Variants in KSR1 observed in about 807,000 individuals in gnomAD.
KSR1 encodes the protein kinase suppressor of ras 1, also known as kinase suppressor of ras.
Under a neutral mutation model 92.9 loss-of-function variants are expected in KSR1, and 35 were observed. That is an observed-to-expected ratio of 0.38 (90% CI 0.29 to 0.50). The LOEUF is 0.50. Ranked by LOEUF, KSR1 falls within the 20% of genes least tolerant of loss-of-function variation. KSR1 has a pLI of 0.94. For synonymous variants in KSR1, 467 were observed against 472.6 expected, an observed-to-expected ratio of 0.99 and a Z score of 0.15; for missense variants, 972 against 1,158.5, an observed-to-expected ratio of 0.84 and a Z score of 2.34.
intron 18 of KSR1, among the ~76,000 whole-genome samples, chr17:27,615,195 G>A (rs1004474709): frequency 1.3e-5 from 2 of 152,208 alleles, no homozygotes; most frequent in Admixed American, 6.5e-5. Flanking sequence ...TATTTCTGCT[G>A]CACCACTTTG....
At chr17:27,610,833 G>T (rs1567888634) in intron 17 of KSR1, among the ~76,000 whole-genome samples, 1 of 151,974 alleles carries the variant, frequency 6.6e-6, no homozygotes, top group Non-Finnish European at 1.5e-5. Context: ...TTAAAATCTG[G>T]TGTGTTTTCT....
intron 1 of KSR1, among the ~76,000 whole-genome samples, chr17:27,458,247 CTG>C (rs2019273557): frequency 1.3e-5 from 2 of 152,124 alleles, no homozygotes. Context: ...TTGAGAGAAA[CTG>C]ATTTTTTGAA....
At chr17:27,585,946 C>A in intron 5 of KSR1, 1 of 481,174 alleles carries the variant, frequency 2.1e-6, no homozygotes, top group Non-Finnish European at 3.7e-6. Context: ...TCCACCTTGC[C>A]CTTCCCCACC....
intron 1 of KSR1, among the ~76,000 whole-genome samples, chr17:27,469,993 AGTGTGTGTGTGTGTGTGTGT>A (rs145390989): frequency 7.2e-6 from 1 of 139,570 alleles, no homozygotes; most frequent in Non-Finnish European, 1.5e-5. Context: ...ATGGAGATGG[AGTGTGTGTGTGTGTGTGTGT>A]GTGTGTGTGT....
At chr17:27,473,680 A>G (rs2020147311) in intron 1 of KSR1, among the ~76,000 whole-genome samples, 2 of 152,148 alleles carry the variant, frequency 1.3e-5, no homozygotes, top group Admixed American at 1.3e-4. Flanking sequence ...CGGTATTTTA[A>G]ATACTGGTGG....
At chr17:27,609,166 C>A (rs2073847637) in intron 15 of KSR1, 30 bp from the exon 16 acceptor site, 1 of 1,600,150 alleles carries the variant, frequency 6.2e-7, no homozygotes, top group Non-Finnish European at 8.6e-7. Context: ...CATCGTTGCA[C>A]ATCTTCACTC....
intron 1 of KSR1, among the ~76,000 whole-genome samples, chr17:27,497,232 G>A (rs934203250): frequency 1.3e-5 from 2 of 152,190 alleles, no homozygotes; most frequent in South Asian, 2.1e-4. Flanking sequence ...GGTGAGTGAA[G>A]GACCTTAAAC....
intron 1 of KSR1, among the ~76,000 whole-genome samples, chr17:27,489,842 C>T (rs992149896): frequency 1.2e-4 from 18 of 152,284 alleles, no homozygotes; most frequent in Admixed American, 1.1e-3. Flanking sequence ...TGGGAGGTGG[C>T]TGGGAGGTCC....
At chr17:27,460,715 G>A (rs1359873419) in intron 1 of KSR1, among the ~76,000 whole-genome samples, 3 of 152,164 alleles carry the variant, frequency 2.0e-5, no homozygotes, top group Non-Finnish European at 2.9e-5. Flanking sequence ...GAGTCCCACC[G>A]TGTGGGGGAC....
At chr17:27,607,555 C>G (rs10853157) in intron 14 of KSR1, among the ~76,000 whole-genome samples, 23,936 of 152,030 alleles carry the variant, frequency 0.16, 2,073 homozygotes, top group Admixed American at 0.23. Flanking sequence ...CCTGTTGATG[C>G]CCTTAAATTA....
intron 1 of KSR1, among the ~76,000 whole-genome samples, chr17:27,533,964 C>CGTGTGT (rs60306092): frequency 3.3e-5 from 5 of 151,622 alleles, no homozygotes; most frequent in Admixed American, 1.3e-4. Context: ...CGTGTGCGCA[C>CGTGTGT]GTGTGTGTGT....
At chr17:27,474,769 T>C (rs1473358600) in intron 1 of KSR1, among the ~76,000 whole-genome samples, 1 of 152,158 alleles carries the variant, frequency 6.6e-6, no homozygotes, top group Admixed American at 6.5e-5. Flanking sequence ...TTGTGGAACT[T>C]ACGCTTCAGT....
intron 2 of KSR1, among the ~76,000 whole-genome samples, chr17:27,556,527 A>G (rs1043484686): frequency 6.6e-6 from 1 of 152,198 alleles, no homozygotes; most frequent in East Asian, 1.9e-4. Context: ...TGGCCTGCTC[A>G]ACTTTTTAAT....
chr17:27,505,387 C>T (rs2069342730), intron 1 of KSR1, among the ~76,000 whole-genome samples: 1 of 152,222 alleles, frequency 6.6e-6, no homozygotes, highest in Non-Finnish European at 1.5e-5. Context: ...CTCATTAACC[C>T]AGGAGGGATT....
At chr17:27,589,703 C>A (rs1250168943) in intron 6 of KSR1, among the ~76,000 whole-genome samples, 1 of 152,220 alleles carries the variant, frequency 6.6e-6, no homozygotes, top group Non-Finnish European at 1.5e-5. Flanking sequence ...TGTGGACCAG[C>A]CTTGCACTTT....
chr17:27,523,449 A>G (rs892918247), intron 1 of KSR1, among the ~76,000 whole-genome samples: 2 of 152,160 alleles, frequency 1.3e-5, no homozygotes, highest in Non-Finnish European at 2.9e-5. Context: ...AATGAGAGAC[A>G]TGTTGCTGCC....
chr17:27,598,927 C>T (rs777170081), intron 10 of KSR1, among the ~76,000 whole-genome samples: 5 of 152,226 alleles, frequency 3.3e-5, no homozygotes, highest in Non-Finnish European at 5.9e-5. Context: ...CCTATCGTCC[C>T]CTGCTCTGTG....
At chr17:27,591,472 G>A (rs1488185602) in intron 7 of KSR1, among the ~76,000 whole-genome samples, 2 of 152,226 alleles carry the variant, frequency 1.3e-5, no homozygotes, top group Non-Finnish European at 2.9e-5. Flanking sequence ...CTGCATTGCT[G>A]TGTGATCTGG....
At chr17:27,537,394 A>C (rs866376037) in intron 1 of KSR1, among the ~76,000 whole-genome samples, 41 of 152,334 alleles carry the variant, frequency 2.7e-4, no homozygotes, top group Non-Finnish European at 3.4e-4. Context: ...GTAAAATGAG[A>C]TTAATAATAG....
Sources: gnomAD v4.1 joint callset for allele counts (sites outside exome capture counted in the v4.1 genomes callset) on GRCh38, gnomAD v4.1.1 for gene constraint, MANE v1.5 for transcripts, NCBI Gene and HGNC (gene_info 2026-07-23, HGNC 2026-07-21) for gene names.